LYPD5: variants seen among roughly 807,000 people sequenced by gnomAD.
The protein encoded by LYPD5 is ly6/PLAUR domain-containing protein 5.
A neutral mutation model predicts 19.1 loss-of-function variants in LYPD5; 21 were observed. That is an observed-to-expected ratio of 1.10 (90% CI 0.78 to 1.58). The LOEUF (loss-of-function observed/expected upper bound fraction) is 1.58. Ranked by LOEUF, LYPD5 falls within the 40% of genes most tolerant of loss-of-function variation. The pLI, the probability that LYPD5 is intolerant of heterozygous loss-of-function variation, is 0.00. For missense variants in LYPD5, 287 were observed against 329.8 expected (o/e 0.87, Z 1.00); for synonymous variants, 128 against 142.7 (o/e 0.90, Z 0.74).
chr19:43,815,774 G>C (rs2146508263), intron 1 of LYPD5: 1 of 409,938 alleles, frequency 2.4e-6, no homozygotes, highest in Non-Finnish European at 4.8e-6. Flanking sequence ...GTTTCACTTT[G>C]TCACCCTGGC....
At chr19:43,800,075 C>T (rs1454781262) in intron 1 of LYPD5, 2 of 343,070 alleles carry the variant, frequency 5.8e-6, no homozygotes, top group East Asian at 1.2e-4. Context: ...TCCAGGTCTC[C>T]ACCCTCTTCC....
chr19:43,817,404 T>C (rs1280865692), intron 1 of LYPD5, among the ~76,000 whole-genome samples: 1 of 152,192 alleles, frequency 6.6e-6, no homozygotes, highest in Non-Finnish European at 1.5e-5. Flanking sequence ...GAAAATCAAA[T>C]GCACATTCCC....
intron 4 of LYPD5, 98 bp downstream of exon 4, chr19:43,798,353 AGGGC>A: frequency 7.1e-7 from 1 of 1,406,988 alleles, no homozygotes; most frequent in Non-Finnish European, 9.8e-7. Context: ...ACCTCAGAGC[AGGGC>A]CATGTCTCCC....
chr19:43,804,445 T>C (rs555149338), upstream of LYPD5, among the ~76,000 whole-genome samples: 6 of 152,084 alleles, frequency 3.9e-5, no homozygotes, highest in South Asian at 1.2e-3. Context: ...ACCTCCCCCA[T>C]TGTCCTCCAA....
upstream of LYPD5, among the ~76,000 whole-genome samples, chr19:43,807,037 C>T (rs1463757445): frequency 6.6e-6 from 1 of 152,172 alleles, no homozygotes; most frequent in East Asian, 1.9e-4. Flanking sequence ...CTTTTAAAGG[C>T]TGAACAATAT....
At chr19:43,814,034 C>T (rs890502755) in intron 1 of LYPD5, among the ~76,000 whole-genome samples, 7 of 152,208 alleles carry the variant, frequency 4.6e-5, no homozygotes, top group African/African-American at 1.7e-4. Flanking sequence ...TATATGCATG[C>T]ATTTTGTATG....
intron 1 of LYPD5, chr19:43,815,633 GAAA>G (rs1385964391): frequency 5.5e-6 from 1 of 182,558 alleles, no homozygotes; most frequent in African/African-American, 2.6e-5. Flanking sequence ...TAAAAAAAGA[GAAA>G]AAAAGAACAC....
At chr19:43,810,844 G>C (rs7252847) in intron 1 of LYPD5, among the ~76,000 whole-genome samples, 23,355 of 151,610 alleles carry the variant, frequency 0.15, 1,976 homozygotes, top group East Asian at 0.23. Flanking sequence ...TGGCCAGGCT[G>C]GTCTTGAACT....
chr19:43,812,846 G>C (rs1370403852), intron 1 of LYPD5, among the ~76,000 whole-genome samples: 1 of 152,216 alleles, frequency 6.6e-6, no homozygotes, highest in East Asian at 1.9e-4. Context: ...TAGGAAAAGA[G>C]TGGTAACTTC....
intron 1 of LYPD5, among the ~76,000 whole-genome samples, chr19:43,800,779 G>C (rs1970212652): frequency 6.6e-6 from 1 of 151,726 alleles, no homozygotes; most frequent in African/African-American, 2.4e-5. Flanking sequence ...CTGGGCAACA[G>C]GTGAAACCCC....
In LYPD5 at chr19:43,797,580, G is replaced by A; in HGVS notation, c.*11C>T. 1 of 1,576,216 alleles carries A rather than the reference G, an allele frequency of 6.3e-7. No homozygotes were observed. The highest frequency in any genetic ancestry group is 1.1e-5 in the South Asian group (1 of 87,192). ...GTGTGAGCCCTGTCCCCAGCATCCT[G>A]GAGGGGCGGTCTATGCTGAGAGCCC... On this transcript the variant is annotated 3_prime_UTR_variant, in exon 5 of 5. Coordinates refer to ENST00000377950, the MANE Select transcript of LYPD5 (RefSeq NM_001031749.3).
At chr19:43,816,585 G>A (rs1970377788) in intron 1 of LYPD5, among the ~76,000 whole-genome samples, 1 of 152,214 alleles carries the variant, frequency 6.6e-6, no homozygotes, top group Non-Finnish European at 1.5e-5. Flanking sequence ...CAAAAACTAG[G>A]TTGGTCAACT....
At chr19:43,798,388 A>C in intron 4 of LYPD5, 67 bp downstream of exon 4, 5 of 1,571,494 alleles carry the variant, frequency 3.2e-6, no homozygotes, top group Non-Finnish European at 3.4e-6. Flanking sequence ...GTCTGGTATC[A>C]CTACCCTCAT....
At chr19:43,798,730 G>A in intron 3 of LYPD5, 82 bp downstream of exon 3, 2 of 1,565,210 alleles carry the variant, frequency 1.3e-6, no homozygotes. Context: ...AAGAGCAGGC[G>A]CCCAGCGGAG....
At chr19:43,812,548 T>C (rs140129702) in intron 1 of LYPD5, among the ~76,000 whole-genome samples, 3 of 152,214 alleles carry the variant, frequency 2.0e-5, no homozygotes, top group African/African-American at 7.2e-5. Context: ...AATTCAATTC[T>C]TCCCTTCCCT....
chr19:43,816,541 A>G lies in LYPD5; in HGVS notation c.-66+3999T>C, dbSNP rs1191571541. Among the ~76,000 whole-genome samples, 17 of 152,378 alleles carry G rather than the reference A, an allele frequency of 1.1e-4. No homozygotes were observed. The East Asian group carries it at 3.3e-3, about 29-fold the overall frequency. Reference sequence around the variant, plus strand: ...CTAAATGTCAGAGATCAAGTAAAATACATTTGTCAGATCATTAAGCACATA... The same window carrying G: ...CTAAATGTCAGAGATCAAGTAAAATGCATTTGTCAGATCATTAAGCACATA... On this transcript the variant is annotated intron_variant, in intron 1 of 4. Transcript: ENST00000414615.
At chr19:43,808,041 G>T (rs1338318265) in intron 1 of LYPD5, among the ~76,000 whole-genome samples, 2 of 152,118 alleles carry the variant, frequency 1.3e-5, no homozygotes, top group African/African-American at 4.8e-5. Flanking sequence ...ACCTGATCTG[G>T]TCATTTATTC....
At chr19:43,808,313 C>T (rs1484799757) in intron 1 of LYPD5, among the ~76,000 whole-genome samples, 1 of 152,148 alleles carries the variant, frequency 6.6e-6, no homozygotes, top group African/African-American at 2.4e-5. Flanking sequence ...ACCATGTTGG[C>T]CAGGCTGGTC....
intron 1 of LYPD5, among the ~76,000 whole-genome samples, chr19:43,813,003 T>C (rs913753065): frequency 3.9e-5 from 6 of 152,204 alleles, no homozygotes; most frequent in Admixed American, 3.9e-4. Context: ...GTCTGGTGTC[T>C]GAGCCCCACC....
Sources: allele counts gnomAD v4.1 joint callset (sites outside exome capture counted in the v4.1 genomes callset), GRCh38; gene constraint gnomAD v4.1.1; transcripts MANE v1.5; gene names NCBI Gene and HGNC (gene_info 2026-07-23, HGNC 2026-07-21).